The following PCDHA11 variants were observed in gnomAD, a reference collection of about 807,000 sequenced individuals.
PCDHA11 encodes the protein protocadherin alpha 11.
PCDHA11 carries 61 observed loss-of-function variants against 70.3 expected under a neutral mutation model. That is an observed-to-expected ratio of 0.87 (90% CI 0.71 to 1.07). The LOEUF (loss-of-function observed/expected upper bound fraction) is 1.07. PCDHA11 is among the 50% of genes least tolerant of loss of function. PCDHA11 has a pLI of 0.00. For synonymous variants in PCDHA11, 633 were observed against 555.1 expected (o/e 1.14, Z -1.97); for missense variants, 1,324 against 1,237.5 (o/e 1.07, Z -1.05).
chr5:140,888,088 C>G (rs941828532), intron 1 of PCDHA11, among the ~76,000 whole-genome samples: 3 of 151,906 alleles, frequency 2.0e-5, no homozygotes, highest in African/African-American at 4.8e-5. Flanking sequence ...ACATTTTTGT[C>G]CTTAGTTTGC....
At chr5:140,940,285 T>C (rs2092587239) in intron 1 of PCDHA11, among the ~76,000 whole-genome samples, 3 of 152,222 alleles carry the variant, frequency 2.0e-5, no homozygotes, top group Admixed American at 6.5e-5. Context: ...CTCATTGTGC[T>C]GCTTCATCAG....
At chr5:140,889,424 A>AT (rs1554183891) in intron 1 of PCDHA11, among the ~76,000 whole-genome samples, 2 of 151,956 alleles carry the variant, frequency 1.3e-5, no homozygotes, top group Non-Finnish European at 2.9e-5. Flanking sequence ...CGTAGATAAT[A>AT]TTTTTTCAGG....
chr5:140,906,615 T>C (rs2072789527), intron 1 of PCDHA11, among the ~76,000 whole-genome samples: 1 of 152,226 alleles, frequency 6.6e-6, no homozygotes, highest in Admixed American at 6.5e-5. Context: ...TGTATTCCCT[T>C]TGCCTTCAGC....
chr5:140,951,762 A>G (rs2094630710), intron 1 of PCDHA11, among the ~76,000 whole-genome samples: 1 of 152,090 alleles, frequency 6.6e-6, no homozygotes, highest in Non-Finnish European at 1.5e-5. Flanking sequence ...GCGAAATCTC[A>G]TGACGTTCTT....
At chr5:140,878,832 G>A (rs1416879653) in intron 1 of PCDHA11, among the ~76,000 whole-genome samples, 1 of 152,138 alleles carries the variant, frequency 6.6e-6, no homozygotes, top group African/African-American at 2.4e-5. Flanking sequence ...TGCACAGGCT[G>A]GACTAGAACT....
At chr5:140,992,457 A>G (rs2097512834) in intron 3 of PCDHA11, among the ~76,000 whole-genome samples, 1 of 152,136 alleles carries the variant, frequency 6.6e-6, no homozygotes, top group Non-Finnish European at 1.5e-5. Context: ...GCAGCAGAGG[A>G]CAGTACTCTT....
chr5:141,000,389 C>A (rs868958582), intron 3 of PCDHA11, among the ~76,000 whole-genome samples: 168 of 62,538 alleles, frequency 2.7e-3, no homozygotes, highest in Non-Finnish European at 3.7e-3. Flanking sequence ...CTCTCTCTCT[C>A]TCTCTCTATA....
At chr5:140,944,166 G>A (rs1483002893) in intron 1 of PCDHA11, among the ~76,000 whole-genome samples, 1 of 152,024 alleles carries the variant, frequency 6.6e-6, no homozygotes, top group Non-Finnish European at 1.5e-5. Context: ...AAAGGGCCAA[G>A]GCTGGTTTTT....
At chr5:140,963,032 T>G (rs541613535) in intron 1 of PCDHA11, among the ~76,000 whole-genome samples, 2 of 152,172 alleles carry the variant, frequency 1.3e-5, no homozygotes, top group African/African-American at 2.4e-5. Flanking sequence ...CAATTAACAT[T>G]TATTGAGAGT....
At chr5:140,896,000 AG>A (rs1239259521) in intron 1 of PCDHA11, among the ~76,000 whole-genome samples, 1 of 152,064 alleles carries the variant, frequency 6.6e-6, no homozygotes, top group Non-Finnish European at 1.5e-5. Flanking sequence ...AAGTAGAGAC[AG>A]GGTTTCTCCA....
At chr5:140,941,331 T>G (rs1277354289) in intron 1 of PCDHA11, among the ~76,000 whole-genome samples, 1 of 148,120 alleles carries the variant, frequency 6.8e-6, no homozygotes. Context: ...TTTTTTTTTT[T>G]TTTCAGATGG....
intron 1 of PCDHA11, among the ~76,000 whole-genome samples, chr5:140,872,146 T>C (rs1554166047): frequency 6.6e-6 from 1 of 152,134 alleles, no homozygotes; most frequent in African/African-American, 2.4e-5. Context: ...ACTCCATTAG[T>C]ATGACATGAT....
chr5:140,967,733 C>A (rs1473723959), intron 1 of PCDHA11: 1 of 1,614,024 alleles, frequency 6.2e-7, no homozygotes, highest in Non-Finnish European at 8.5e-7. Flanking sequence ...AATTGGGGGG[C>A]TGGATTATGA....
intron 1 of PCDHA11, chr5:140,967,010 C>G: frequency 6.2e-7 from 1 of 1,606,340 alleles, no homozygotes. Flanking sequence ...CATCAACCAT[C>G]TGGGTGCGCC....
chr5:140,936,272 C>T lies in PCDHA11; in HGVS notation c.2392-42677C>T, dbSNP rs1303356923. 2.0e-5 allele frequency among the ~76,000 whole-genome samples: 3 copies of T among 152,254 alleles called. No individual in the cohort carries two copies. In the East Asian group the frequency reaches 5.8e-4, roughly 29 times the overall value. On this transcript the variant is annotated intron_variant, in intron 1 of 3. Transcript: ENST00000398640. Reference sequence around the variant, plus strand: ...TGCTTCAAGTCATGAAGATATATTCCTGTGTTTTCTTCTATAACATTGCTA... The same window carrying T: ...TGCTTCAAGTCATGAAGATATATTCTTGTGTTTTCTTCTATAACATTGCTA...
intron 1 of PCDHA11, chr5:140,929,268 AAT>A (rs782372972): frequency 7.4e-6 from 12 of 1,611,594 alleles, no homozygotes; most frequent in Non-Finnish European, 1.0e-5. Flanking sequence ...TGAATTTGCC[AAT>A]ATCCTGTATT....
chr5:140,876,138 A>G (rs781923596), intron 1 of PCDHA11: 1 of 1,613,952 alleles, frequency 6.2e-7, no homozygotes. Context: ...AACCAGAACT[A>G]ACAGGGTCTG....
chr5:140,968,659 C>T, intron 1 of PCDHA11: 1 of 1,614,160 alleles, frequency 6.2e-7, no homozygotes, highest in East Asian at 2.2e-5. Flanking sequence ...CTGACCTGGA[C>T]CTCTTTAAGG....
At chr5:140,882,629 G>C in intron 1 of PCDHA11, 1 of 1,614,254 alleles carries the variant, frequency 6.2e-7, no homozygotes, top group Non-Finnish European at 8.5e-7. Context: ...CCATGTGGAG[G>C]TGAAGGTGAG....
Sources: gnomAD v4.1 joint callset for allele counts (sites outside exome capture counted in the v4.1 genomes callset) on GRCh38, gnomAD v4.1.1 for gene constraint, MANE v1.5 for transcripts, NCBI Gene and HGNC (gene_info 2026-07-23, HGNC 2026-07-21) for gene names.